JMJD1C: variants seen among roughly 807,000 people sequenced by gnomAD.
JMJD1C encodes the protein jumonji domain-containing protein 1C.
A neutral mutation model predicts 245.3 loss-of-function variants in JMJD1C; 31 were observed. The ratio of observed to expected loss-of-function variants is 0.13; its 90% confidence interval spans 0.09 to 0.17. The LOEUF (loss-of-function observed/expected upper bound fraction) is 0.17. Ranked by LOEUF, JMJD1C falls within the 10% of genes least tolerant of loss-of-function variation. JMJD1C has a pLI of 1.00. For synonymous variants in JMJD1C, 1,057 were observed against 1,017.4 expected, an observed-to-expected ratio of 1.04 and a Z score of -0.74; for missense variants, 2,691 against 3,000.2, an observed-to-expected ratio of 0.90 and a Z score of 2.41.
intron 24 of JMJD1C, among the ~76,000 whole-genome samples, chr10:63,174,922 T>C (rs1842745014): frequency 6.6e-6 from 1 of 152,194 alleles, no homozygotes; most frequent in African/African-American, 2.4e-5. Flanking sequence ...TTGATTATGT[T>C]GTTACCTAAC....
intron 3 of JMJD1C, among the ~76,000 whole-genome samples, chr10:63,248,295 A>G (rs948363556): frequency 6.6e-6 from 1 of 151,746 alleles, no homozygotes. Flanking sequence ...CAAGTTGCTA[A>G]CACAGGGAAG....
At chr10:63,345,782 A>G (rs1943764771) in intron 2 of JMJD1C, among the ~76,000 whole-genome samples, 1 of 152,198 alleles carries the variant, frequency 6.6e-6, no homozygotes, top group South Asian at 2.1e-4. Context: ...AAAAAATTGT[A>G]CATGGTAAAA....
intron 1 of JMJD1C, among the ~76,000 whole-genome samples, chr10:63,392,911 T>TACACAC (rs1564870944): frequency 6.0e-5 from 5 of 83,602 alleles, no homozygotes; most frequent in African/African-American, 1.9e-4. Flanking sequence ...CACACACACG[T>TACACAC]GAGCAAAGGA....
chr10:63,449,219 TTGAA>T (rs1429775563), intron 1 of JMJD1C, among the ~76,000 whole-genome samples: 1 of 152,180 alleles, frequency 6.6e-6, no homozygotes, highest in East Asian at 1.9e-4. Flanking sequence ...AATCTGTATT[TTGAA>T]TGAGAAATTT....
At chr10:63,332,580 T>A (rs934846569) in intron 2 of JMJD1C, among the ~76,000 whole-genome samples, 3 of 152,178 alleles carry the variant, frequency 2.0e-5, no homozygotes, top group African/African-American at 7.2e-5. Context: ...ACTTACCAAT[T>A]GTGTGAGTTT....
chr10:63,489,727 G>C (rs1954107767), intron 1 of JMJD1C: 1 of 152,386 alleles, frequency 6.6e-6, no homozygotes, highest in Admixed American at 6.5e-5. Context: ...GGCCAGGCTG[G>C]TCTTGAACTT....
At chr10:63,204,859 C>A in intron 10 of JMJD1C, 2 of 985,248 alleles carry the variant, frequency 2.0e-6, no homozygotes, top group Non-Finnish European at 2.4e-6. Flanking sequence ...GGTTTCCACA[C>A]AGGCATGTGG....
In JMJD1C at chr10:63,206,065, C is replaced by G. The variant is rs182222031; in HGVS notation, c.5074+530G>C. On this transcript the variant is annotated intron_variant, in intron 10 of 25. Coordinates refer to ENST00000399262, the MANE Select transcript of JMJD1C (RefSeq NM_032776.3). The stretch of plus-strand genomic sequence containing the variant: ...TGCTATTTTATATAAGGGATGTGCA[C>G]ATCTGTGAATTTTGGTATCCGTGGG... Among the ~76,000 whole-genome samples, 3 of 152,302 alleles carry G rather than the reference C, an allele frequency of 2.0e-5. No homozygotes were observed. In the East Asian group the frequency reaches 5.8e-4, roughly 29 times the overall value.
intron 1 of JMJD1C, among the ~76,000 whole-genome samples, chr10:63,432,884 C>A (rs1428162262): frequency 6.6e-6 from 1 of 152,110 alleles, no homozygotes; most frequent in Non-Finnish European, 1.5e-5. Flanking sequence ...ATGCTATGAA[C>A]ATTTCTTAAT....
rs998914885 is a variant in JMJD1C at position 63,278,574 on chromosome 10, G to T, written c.334-13810C>A. 5.3e-5 allele frequency among the ~76,000 whole-genome samples: 8 copies of T among 151,878 alleles called. No homozygotes were observed. The Middle Eastern group carries it at 0.01, about 194-fold the overall frequency. On this transcript the variant is annotated intron_variant, in intron 2 of 25. Coordinates refer to ENST00000399262, the MANE Select transcript of JMJD1C (RefSeq NM_032776.3). ...ACAAACAAACAAAAAAAAGAGTACT[G>T]ATTAGTAGTACTGTTGCCGAGCGTG...
At chr10:63,211,239 C>T (rs1366655634) in intron 8 of JMJD1C, among the ~76,000 whole-genome samples, 3 of 151,978 alleles carry the variant, frequency 2.0e-5, no homozygotes, top group Non-Finnish European at 4.4e-5. Flanking sequence ...CCGAGACAGG[C>T]GGATCACTTG....
At chr10:63,269,014 G>T in intron 2 of JMJD1C, 1 of 985,384 alleles carries the variant, frequency 1.0e-6, no homozygotes, top group East Asian at 1.1e-4. Flanking sequence ...TGGTGTTAAC[G>T]ACTAAGAAAT....
At chr10:63,270,377 G>A (rs1856139340) in intron 2 of JMJD1C, among the ~76,000 whole-genome samples, 1 of 151,912 alleles carries the variant, frequency 6.6e-6, no homozygotes. Context: ...ACATTGGCCA[G>A]GCTTGTCTCA....
At chr10:63,383,139 T>TA (rs1389122418) in intron 1 of JMJD1C, among the ~76,000 whole-genome samples, 2 of 151,944 alleles carry the variant, frequency 1.3e-5, no homozygotes, top group African/African-American at 4.8e-5. Flanking sequence ...TCATGGTCTT[T>TA]AAAAAATAAA....
At chr10:63,443,762 T>G (rs958509339) in intron 1 of JMJD1C, among the ~76,000 whole-genome samples, 1 of 152,186 alleles carries the variant, frequency 6.6e-6, no homozygotes, top group African/African-American at 2.4e-5. Context: ...AAGCTTCTAT[T>G]CAAGGTCTGG....
intron 1 of JMJD1C, among the ~76,000 whole-genome samples, chr10:63,401,731 T>C (rs532287190): frequency 2.0e-5 from 3 of 152,242 alleles, no homozygotes; most frequent in Admixed American, 6.5e-5. Flanking sequence ...CCCACTAAAA[T>C]TCGTATGTGG....
At chr10:63,502,179 T>A (rs537563924) in intron 1 of JMJD1C, among the ~76,000 whole-genome samples, 2 of 152,282 alleles carry the variant, frequency 1.3e-5, no homozygotes, top group South Asian at 2.1e-4. Flanking sequence ...TTTACAAATT[T>A]TGCCAGTTTG....
rs1328545491 is a variant in JMJD1C at position 63,193,056 on chromosome 10, A to G, written c.5958T>C (p.Gly1986=). 2 of 1,614,108 alleles carry G rather than the reference A, an allele frequency of 1.2e-6. No homozygotes were observed. The highest frequency in any genetic ancestry group is 1.1e-5 in the South Asian group (1 of 91,086). The change falls in exon 16 of 26, where the codon GGT becomes GGC. Residue 1986 remains glycine, a synonymous_variant. Transcript: ENST00000399262. ...CTACATCACTCTCTGGGCTGCTGCC[A>G]CCATTTTTCTCAGACTTCGGAGGAG... ...QNTPPKSEKN[G]GSSPESDVGT... is the part of the protein sequence containing the mutation.
chr10:63,471,649 T>A (rs893286153), intron 1 of JMJD1C, among the ~76,000 whole-genome samples: 1 of 152,226 alleles, frequency 6.6e-6, no homozygotes, highest in Admixed American at 6.5e-5. Context: ...CATACTAATA[T>A]AATACAAACC....
Sources: allele counts gnomAD v4.1 joint callset (sites outside exome capture counted in the v4.1 genomes callset), GRCh38; gene constraint gnomAD v4.1.1; transcripts MANE v1.5; gene names NCBI Gene and HGNC (gene_info 2026-07-23, HGNC 2026-07-21).